The following RFX3 variants were observed in gnomAD, a reference collection of about 807,000 sequenced individuals.
RFX3 encodes transcription factor RFX3.
RFX3 carries 14 observed loss-of-function variants against 98.6 expected under a neutral mutation model. That is an observed-to-expected ratio of 0.14 (90% CI 0.09 to 0.22). RFX3 has a LOEUF of 0.22. RFX3 is among the 10% of genes least tolerant of loss of function. RFX3 has a pLI of 1.00. For synonymous variants in RFX3, 383 were observed against 328.4 expected (o/e 1.17, Z -1.80); for missense variants, 639 against 926.9 (o/e 0.69, Z 4.03).
rs373804646 is a variant in RFX3 at position 3,510,322 on chromosome 9, G to GC, written c.-9+15424dup. ...GGTTATAAGATACAGATCATTTCTT[G>GC]CCCCCCCCAAAAAAAGCAACAAACA... is the stretch of plus-strand genomic sequence containing the variant. On this transcript the variant is annotated intron_variant, in intron 1 of 16. Coordinates refer to ENST00000617270, the MANE Select transcript of RFX3 (RefSeq NM_001282116.2). 3.7e-3 allele frequency among the ~76,000 whole-genome samples: 557 copies of GC among 150,754 alleles called. 3 individuals carry two copies. Among genetic ancestry groups the GC allele is most frequent in the African/African-American group, 0.012 (491 of 41,066 alleles).
chr9:3,504,138 TTATATATTATACATATTATATATTA>T (rs1816372754), intron 1 of RFX3, among the ~76,000 whole-genome samples: 1 of 123,110 alleles, frequency 8.1e-6, no homozygotes, highest in African/African-American at 4.3e-5. Flanking sequence ...TTTATATATA[TTATATATTATACATATTATATATTA>T]TATATATTAT....
chr9:3,276,592 T>A (rs866675490), intron 8 of RFX3, among the ~76,000 whole-genome samples: 24 of 152,156 alleles, frequency 1.6e-4, no homozygotes, highest in African/African-American at 4.3e-4. Context: ...CGCTGCCATG[T>A]TTTCAACTTC....
intron 7 of RFX3, among the ~76,000 whole-genome samples, chr9:3,287,894 A>T (rs1586889938): frequency 6.6e-6 from 1 of 152,006 alleles, no homozygotes; most frequent in South Asian, 2.1e-4. Context: ...CTGTCTGAAC[A>T]GTTTGGGATG....
chr9:3,456,795 T>G (rs193237223), intron 1 of RFX3, among the ~76,000 whole-genome samples: 4 of 152,106 alleles, frequency 2.6e-5, no homozygotes, highest in African/African-American at 9.7e-5. Flanking sequence ...AGGAAGCCCA[T>G]GTGGTCCCTA....
At chr9:3,238,713 T>C (rs1819510474) in intron 15 of RFX3, among the ~76,000 whole-genome samples, 1 of 152,210 alleles carries the variant, frequency 6.6e-6, no homozygotes. Context: ...TTTCCTGTGA[T>C]TTCAATTCTA....
intron 1 of RFX3, among the ~76,000 whole-genome samples, chr9:3,502,400 T>C (rs767527531): frequency 1.1e-4 from 17 of 152,198 alleles, no homozygotes; most frequent in Admixed American, 5.9e-4. Context: ...GTACATTCTA[T>C]AAATCCAAAG....
chr9:3,279,993 G>T (rs909767738), intron 7 of RFX3, among the ~76,000 whole-genome samples: 3 of 151,664 alleles, frequency 2.0e-5, no homozygotes, highest in Non-Finnish European at 3.0e-5. Context: ...CTTAGGAAAA[G>T]ATTTTATAAT....
At chr9:3,380,474 C>A (rs575829740) in intron 2 of RFX3, among the ~76,000 whole-genome samples, 1 of 152,146 alleles carries the variant, frequency 6.6e-6, no homozygotes, top group Non-Finnish European at 1.5e-5. Context: ...GGGTTCATGG[C>A]TCATAACAGA....
intron 5 of RFX3, among the ~76,000 whole-genome samples, chr9:3,297,817 T>C (rs189089891): frequency 6.6e-6 from 1 of 152,104 alleles, no homozygotes; most frequent in South Asian, 2.1e-4. Context: ...TCATAAACTT[T>C]AAATGGAATT....
chr9:3,268,605 A>G lies in RFX3; in HGVS notation c.1357+1766T>C, dbSNP rs76938536. Among the ~76,000 whole-genome samples the G allele has an allele frequency of 3.4e-4, 51 of 152,042 alleles. No individual in the cohort carries two copies. The East Asian group carries it at 9.5e-3, about 28-fold the overall frequency. ...TGCATCTTATAATTTCAGAGAGACTACAAAACTATTCGGGTGTCTGCTTAA... is the reference window on the plus strand; with the variant it reads ...TGCATCTTATAATTTCAGAGAGACTGCAAAACTATTCGGGTGTCTGCTTAA... On this transcript the variant is annotated intron_variant, in intron 11 of 16. Coordinates refer to ENST00000617270, the MANE Select transcript of RFX3 (RefSeq NM_001282116.2).
intron 1 of RFX3, among the ~76,000 whole-genome samples, chr9:3,484,248 G>A (rs186023618): frequency 1.3e-5 from 2 of 152,028 alleles, no homozygotes; most frequent in Admixed American, 6.6e-5. Context: ...TACTGCCCTC[G>A]GAGACAGCAC....
chr9:3,349,964 T>C (rs1478863240), intron 2 of RFX3, among the ~76,000 whole-genome samples: 1 of 152,032 alleles, frequency 6.6e-6, no homozygotes, highest in Non-Finnish European at 1.5e-5. Flanking sequence ...AAAAATATAA[T>C]AAGCAAAACC....
intron 1 of RFX3, among the ~76,000 whole-genome samples, chr9:3,396,553 C>A (rs1460835985): frequency 6.6e-6 from 1 of 152,146 alleles, no homozygotes; most frequent in Non-Finnish European, 1.5e-5. Flanking sequence ...TGGGTATATA[C>A]CCAGTAACGG....
At chr9:3,260,648 A>G (rs367776356) in intron 13 of RFX3, among the ~76,000 whole-genome samples, 1 of 151,632 alleles carries the variant, frequency 6.6e-6, no homozygotes, top group African/African-American at 2.4e-5. Context: ...TTTGAAATAA[A>G]TATTACAGTA....
intron 1 of RFX3, among the ~76,000 whole-genome samples, chr9:3,466,639 G>T (rs184636120): frequency 6.6e-6 from 1 of 152,014 alleles, no homozygotes. Flanking sequence ...TGTATAAAAA[G>T]ATTCAATTAG....
chr9:3,387,376 AT>A (rs1354696706), intron 2 of RFX3, among the ~76,000 whole-genome samples: 15 of 152,078 alleles, frequency 9.9e-5, no homozygotes, highest in African/African-American at 2.9e-4. Flanking sequence ...ATAAAAAAAA[AT>A]TTTTTTAATT....
intron 1 of RFX3, among the ~76,000 whole-genome samples, chr9:3,505,002 A>G (rs1174831986): frequency 7.4e-5 from 5 of 67,254 alleles, no homozygotes; most frequent in Non-Finnish European, 9.8e-5. Flanking sequence ...TATATATTAT[A>G]TAAAATGTAT....
At chr9:3,474,857 G>A (rs552714184) in intron 1 of RFX3, among the ~76,000 whole-genome samples, 7 of 152,274 alleles carry the variant, frequency 4.6e-5, no homozygotes, top group Middle Eastern at 3.4e-3. Flanking sequence ...CGCACTTTGG[G>A]AGGCCAAGGA....
chr9:3,520,658 A>C (rs1818618378), intron 1 of RFX3, among the ~76,000 whole-genome samples: 1 of 152,182 alleles, frequency 6.6e-6, no homozygotes, highest in Non-Finnish European at 1.5e-5. Flanking sequence ...AACAGCATGA[A>C]GTACGGATTG....
Sources: gnomAD v4.1 joint callset for allele counts (sites outside exome capture counted in the v4.1 genomes callset) on GRCh38, gnomAD v4.1.1 for gene constraint, MANE v1.5 for transcripts, NCBI Gene and HGNC (gene_info 2026-07-23, HGNC 2026-07-21) for gene names.